PCDHA1: variants seen among roughly 807,000 people sequenced by gnomAD.
The protein encoded by PCDHA1 is protocadherin alpha 1, also known as protocadherin alpha-1.
A neutral mutation model predicts 61.3 loss-of-function variants in PCDHA1; 42 were observed. That is an observed-to-expected ratio of 0.69 (90% CI 0.54 to 0.89). The LOEUF is 0.89. Ranked by LOEUF, PCDHA1 falls within the 40% of genes least tolerant of loss-of-function variation. The probability of loss-of-function intolerance (pLI) is 0.00; values close to 1 mark genes in which losing one functional copy is unlikely to be tolerated. For missense variants in PCDHA1, 1,256 were observed against 1,235.3 expected (o/e 1.02, Z -0.25); for synonymous variants, 610 against 553.8 (o/e 1.10, Z -1.43).
chr5:140,843,493 A>T, intron 1 of PCDHA1: 1 of 1,595,930 alleles, frequency 6.3e-7, no homozygotes, highest in Non-Finnish European at 8.6e-7. Context: ...TGCGGTGCTC[A>T]GCACTGCCCA....
In PCDHA1 at chr5:141,011,207, G is replaced by A. The variant is rs79928365; in HGVS notation, c.*1270G>A. On this transcript the variant is annotated 3_prime_UTR_variant, in exon 4 of 4. Coordinates refer to ENST00000504120, the MANE Select transcript of PCDHA1 (RefSeq NM_018900.4). Reference sequence around the variant, plus strand: ...GAAAAATATTGTTTTCTCATACAGTGAGCAGATTTTTCAATCTACTAATTC... The same window carrying A: ...GAAAAATATTGTTTTCTCATACAGTAAGCAGATTTTTCAATCTACTAATTC... 325 of 153,804 alleles carry A rather than the reference G, an allele frequency of 2.1e-3. 2 individuals are homozygous for A. The highest frequency in any genetic ancestry group is 7.1e-3 in the African/African-American group (293 of 41,546). 9.5% of individuals were successfully genotyped at this position (153,804 alleles called of 1,614,324 possible). A position where few individuals can be genotyped will look rare whatever the true frequency, so the allele number is the denominator to read the frequency against.
intron 3 of PCDHA1, among the ~76,000 whole-genome samples, chr5:140,988,678 T>G (rs190740461): frequency 6.6e-6 from 1 of 152,314 alleles, no homozygotes. Context: ...CTAAGATAAT[T>G]CTTTCCCTAG....
intron 1 of PCDHA1, among the ~76,000 whole-genome samples, chr5:140,798,582 T>G (rs1762341806): frequency 6.6e-6 from 1 of 152,214 alleles, no homozygotes; most frequent in Non-Finnish European, 1.5e-5. Flanking sequence ...AGAGATTGAC[T>G]ACTTTTTTCT....
At chr5:140,883,027 G>A in intron 1 of PCDHA1, 1 of 1,614,126 alleles carries the variant, frequency 6.2e-7, no homozygotes, top group Non-Finnish European at 8.5e-7. Context: ...CGGTGTTAGA[G>A]AACGCCTTCA....
chr5:141,002,973 G>A (rs1313247449), intron 3 of PCDHA1, among the ~76,000 whole-genome samples: 2 of 152,216 alleles, frequency 1.3e-5, no homozygotes, highest in African/African-American at 2.4e-5. Flanking sequence ...CCTGAAAATA[G>A]TATCCTTGGT....
At chr5:140,962,841 A>G (rs1298725922) in intron 1 of PCDHA1, among the ~76,000 whole-genome samples, 3 of 152,210 alleles carry the variant, frequency 2.0e-5, no homozygotes, top group African/African-American at 7.2e-5. Flanking sequence ...TTTTTATTAT[A>G]TAACTTGTGC....
chr5:140,893,210 G>C (rs2063874103), intron 1 of PCDHA1, among the ~76,000 whole-genome samples: 1 of 152,204 alleles, frequency 6.6e-6, no homozygotes, highest in Non-Finnish European at 1.5e-5. Flanking sequence ...GTAAGTATGG[G>C]AGGTGCAGGT....
rs144940545 is a variant in PCDHA1, at chr5:140,840,415, A to G, written c.2394+51731A>G. Among the ~76,000 whole-genome samples the G allele has an allele frequency of 1.2e-3, 182 of 152,100 alleles. 3 individuals are homozygous for G. In the East Asian group the frequency reaches 0.029, roughly 25 times the overall value. On this transcript the variant is annotated intron_variant, in intron 1 of 3. Coordinates refer to ENST00000504120, the MANE Select transcript of PCDHA1 (RefSeq NM_018900.4). ...ATATGGAGTTAAGAATACTTCAAAT[A>G]ATAGGCTAGTTTAAAGCCGTGGAAA...
chr5:140,836,843 ATAAT>A, intron 1 of PCDHA1: 1 of 826,772 alleles, frequency 1.2e-6, no homozygotes, highest in Non-Finnish European at 1.8e-6. Context: ...AGCTTTATGT[ATAAT>A]TATTATTTTT....
intron 1 of PCDHA1, among the ~76,000 whole-genome samples, chr5:140,896,899 C>T (rs191660343): frequency 1.4e-4 from 21 of 152,112 alleles, no homozygotes; most frequent in Admixed American, 1.4e-3. Flanking sequence ...CATTTTGATA[C>T]AAGCATGCAA....
intron 1 of PCDHA1, chr5:140,836,852 A>AT (rs1364228516): frequency 6.2e-6 from 5 of 810,820 alleles, no homozygotes; most frequent in Non-Finnish European, 9.4e-6. Context: ...TATAATTATT[A>AT]TTTTTTAATG....
At chr5:140,806,997 C>A in intron 1 of PCDHA1, 1 of 702,856 alleles carries the variant, frequency 1.4e-6, no homozygotes, top group Non-Finnish European at 2.3e-6. Context: ...CATGATGTCG[C>A]TCTTTACCAC....
rs1554146072 is a variant in PCDHA1 at position 140,852,730 on chromosome 5, T to G, written c.2394+64046T>G. On this transcript the variant is annotated intron_variant, in intron 1 of 3. Coordinates refer to ENST00000504120, the MANE Select transcript of PCDHA1 (RefSeq NM_018900.4). ...TTTGTCTTTGCACGTTTTTCAAGTT[T>G]CATGTGCCATTTAAACTTGGACCCA... 29 of 983,856 alleles carry G rather than the reference T, an allele frequency of 2.9e-5. 3 individuals carry two copies. The highest frequency in any genetic ancestry group is 3.6e-5 in the Non-Finnish European group (29 of 816,252). The allele number at this position is 983,856 out of a possible 1,614,324, so 60.9% of individuals were successfully genotyped here.
chr5:140,795,306 G>T (rs781961175), intron 1 of PCDHA1: 2 of 1,614,246 alleles, frequency 1.2e-6, no homozygotes, highest in Non-Finnish European at 8.5e-7. Context: ...ACAGGCCGCT[G>T]CAGGTTTTCC....
At chr5:140,889,424 A>AT (rs1554183891) in intron 1 of PCDHA1, among the ~76,000 whole-genome samples, 2 of 151,956 alleles carry the variant, frequency 1.3e-5, no homozygotes, top group Non-Finnish European at 2.9e-5. Flanking sequence ...CGTAGATAAT[A>AT]TTTTTTCAGG....
rs2150401429 is a variant in PCDHA1 at position 140,847,524 on chromosome 5, A to G, written c.2394+58840A>G. The stretch of plus-strand genomic sequence containing the variant: ...AAAACTTTGTAGAACTTAGTCAGGA[A>G]AAGAATCTCAAGCATAGCTTTAAAA... On this transcript the variant is annotated intron_variant, in intron 1 of 3. Coordinates refer to ENST00000504120, the MANE Select transcript of PCDHA1 (RefSeq NM_018900.4). The G allele has an allele frequency of 1.3e-5, 2 of 149,848 alleles. 1 individual carries two copies. The highest frequency in any genetic ancestry group is 3.0e-5 in the Non-Finnish European group (2 of 66,914). 9.3% of individuals were successfully genotyped at this position (149,848 alleles called of 1,614,324 possible).
At chr5:140,878,832 G>A (rs1416879653) in intron 1 of PCDHA1, among the ~76,000 whole-genome samples, 1 of 152,138 alleles carries the variant, frequency 6.6e-6, no homozygotes, top group African/African-American at 2.4e-5. Flanking sequence ...TGCACAGGCT[G>A]GACTAGAACT....
chr5:140,858,413 A>G lies in PCDHA1; in HGVS notation c.2394+69729A>G, dbSNP rs150984635. 3.9e-4 allele frequency: 609 copies of G among 1,562,348 alleles called. 39 individuals are homozygous for G. The African/African-American group carries it at 7.5e-3, about 19-fold the overall frequency. On this transcript the variant is annotated intron_variant, in intron 1 of 3. Transcript: ENST00000504120. Reference sequence around the variant, plus strand: ...AGATGTGGACGGGGAAGATCAGTCTATTGGAGGGGACCACTCTAGGAAGGT... The same window carrying G: ...AGATGTGGACGGGGAAGATCAGTCTGTTGGAGGGGACCACTCTAGGAAGGT...
chr5:140,896,615 G>A (rs1293256212), intron 1 of PCDHA1, among the ~76,000 whole-genome samples: 4 of 151,782 alleles, frequency 2.6e-5, no homozygotes, highest in African/African-American at 9.7e-5. Context: ...GGTCTTAAGT[G>A]ATCCACCTGC....
Sources: allele counts gnomAD v4.1 joint callset (sites outside exome capture counted in the v4.1 genomes callset), GRCh38; gene constraint gnomAD v4.1.1; transcripts MANE v1.5; gene names NCBI Gene and HGNC (gene_info 2026-07-23, HGNC 2026-07-21).